NKAIN2: variants seen among roughly 807,000 people sequenced by gnomAD.
NKAIN2 encodes the protein sodium/potassium transporting ATPase interacting 2.
NKAIN2 carries 14 observed loss-of-function variants against 32.6 expected under a neutral mutation model. The observed-to-expected ratio is 0.43, with a 90% CI of 0.28 to 0.67. The LOEUF (loss-of-function observed/expected upper bound fraction) is 0.67. Ranked by LOEUF, NKAIN2 falls within the 30% of genes least tolerant of loss-of-function variation. The probability of loss-of-function intolerance (pLI) is 0.17; values close to 1 mark genes in which losing one functional copy is unlikely to be tolerated. For synonymous variants in NKAIN2, 80 were observed against 87.2 expected (o/e 0.92, Z 0.46); for missense variants, 198 against 258.3 (o/e 0.77, Z 1.60).
At chr6:124,317,879 G>T (rs1797027070) in intron 2 of NKAIN2, among the ~76,000 whole-genome samples, 1 of 151,942 alleles carries the variant, frequency 6.6e-6, no homozygotes, top group South Asian at 2.1e-4. Context: ...TGCCTAATTT[G>T]TAGACCCATT....
At chr6:124,256,054 TAC>T (rs1793914370) in intron 1 of NKAIN2, among the ~76,000 whole-genome samples, 1 of 152,180 alleles carries the variant, frequency 6.6e-6, no homozygotes. Context: ...ATCACTCTCT[TAC>T]AAGGGAAATT....
intron 2 of NKAIN2, among the ~76,000 whole-genome samples, chr6:124,346,172 A>C: frequency 6.6e-6 from 1 of 152,040 alleles, no homozygotes; most frequent in African/African-American, 2.4e-5. Flanking sequence ...CCTGAGTTCT[A>C]GTTTGATTGC....
chr6:124,638,602 A>T (rs1352667637), intron 3 of NKAIN2, among the ~76,000 whole-genome samples: 1 of 152,196 alleles, frequency 6.6e-6, no homozygotes, highest in African/African-American at 2.4e-5. Context: ...CAATTAAAAG[A>T]TAAGCAAAGA....
intron 1 of NKAIN2, among the ~76,000 whole-genome samples, chr6:124,254,039 T>G (rs1384477267): frequency 6.6e-6 from 1 of 151,564 alleles, no homozygotes; most frequent in Admixed American, 6.6e-5. Flanking sequence ...ATGGTCTCGT[T>G]CTCTTGACCT....
chr6:123,845,831 A>C (rs887748124), intron 1 of NKAIN2, among the ~76,000 whole-genome samples: 1 of 152,222 alleles, frequency 6.6e-6, no homozygotes, highest in Non-Finnish European at 1.5e-5. Flanking sequence ...GTGATGCTAA[A>C]GCGTTCCAAG....
intron 1 of NKAIN2, among the ~76,000 whole-genome samples, chr6:124,068,474 T>C (rs543131726): frequency 6.6e-6 from 1 of 152,140 alleles, no homozygotes; most frequent in Non-Finnish European, 1.5e-5. Context: ...CACTGCAGCC[T>C]CCAATTTCTG....
chr6:124,504,218 A>C (rs1235937473), intron 3 of NKAIN2, among the ~76,000 whole-genome samples: 1 of 152,130 alleles, frequency 6.6e-6, no homozygotes, highest in Non-Finnish European at 1.5e-5. Context: ...AGCCAGCTTT[A>C]CCATTACTGT....
chr6:124,383,945 A>G (rs958764338), intron 3 of NKAIN2, among the ~76,000 whole-genome samples: 1 of 152,212 alleles, frequency 6.6e-6, no homozygotes, highest in Admixed American at 6.5e-5. Context: ...TTAGGGAAAT[A>G]AGAATATTAA....
intron 2 of NKAIN2, among the ~76,000 whole-genome samples, chr6:124,325,606 T>C (rs1797379384): frequency 6.6e-6 from 1 of 152,042 alleles, no homozygotes; most frequent in South Asian, 2.1e-4. Context: ...TTGGTCAATA[T>C]CAGAAACATT....
At chr6:124,397,024 A>G (rs1773411106) in intron 3 of NKAIN2, among the ~76,000 whole-genome samples, 1 of 152,144 alleles carries the variant, frequency 6.6e-6, no homozygotes, top group Non-Finnish European at 1.5e-5. Context: ...AGGAACAGTT[A>G]ACTGTTTTAT....
chr6:124,483,253 G>A (rs1777527778), intron 3 of NKAIN2, among the ~76,000 whole-genome samples: 1 of 151,942 alleles, frequency 6.6e-6, no homozygotes, highest in Admixed American at 6.5e-5. Flanking sequence ...GACTTATTTT[G>A]CCAACATCAC....
At chr6:124,625,771 T>C (rs965856587) in intron 3 of NKAIN2, among the ~76,000 whole-genome samples, 1 of 152,008 alleles carries the variant, frequency 6.6e-6, no homozygotes, top group Non-Finnish European at 1.5e-5. Flanking sequence ...GCTATGTACA[T>C]TTTAAAGAGA....
intron 1 of NKAIN2, among the ~76,000 whole-genome samples, chr6:123,920,010 T>C (rs1276300163): frequency 6.6e-6 from 1 of 152,116 alleles, no homozygotes; most frequent in South Asian, 2.1e-4. Context: ...GAAACAGATA[T>C]GCAAAAGAGT....
At chr6:124,229,157 G>A (rs963848581) in intron 1 of NKAIN2, among the ~76,000 whole-genome samples, 5 of 152,116 alleles carry the variant, frequency 3.3e-5, no homozygotes, top group Non-Finnish European at 7.4e-5. Flanking sequence ...TTTAAAGACA[G>A]AAATTCTTTG....
chr6:124,726,072 C>T (rs541336840), intron 4 of NKAIN2, among the ~76,000 whole-genome samples: 29 of 152,168 alleles, frequency 1.9e-4, no homozygotes, highest in Non-Finnish European at 2.6e-4. Flanking sequence ...CACGGAGTCT[C>T]GCTGATTGCT....
At chr6:123,934,655 G>A (rs1366670645) in intron 1 of NKAIN2, among the ~76,000 whole-genome samples, 1 of 151,868 alleles carries the variant, frequency 6.6e-6, no homozygotes, top group East Asian at 1.9e-4. Flanking sequence ...AAAATCTTAA[G>A]GAATAAATAA....
chr6:124,458,255 A>T (rs1489320529), intron 3 of NKAIN2, among the ~76,000 whole-genome samples: 1 of 152,004 alleles, frequency 6.6e-6, no homozygotes, highest in East Asian at 1.9e-4. Context: ...TTGTGACTTA[A>T]TTATTTTAAG....
intron 1 of NKAIN2, among the ~76,000 whole-genome samples, chr6:124,239,084 CA>C (rs539316873): frequency 2.0e-5 from 3 of 150,888 alleles, no homozygotes; most frequent in African/African-American, 7.3e-5. Context: ...CAAGCAAAAA[CA>C]AAAAAAAGCA....
intron 5 of NKAIN2, among the ~76,000 whole-genome samples, chr6:124,809,070 C>T (rs9491241): frequency 0.014 from 2,157 of 152,200 alleles, 49 homozygotes; most frequent in African/African-American, 0.049. Context: ...AGGTAATTTA[C>T]AGATTCAATG....
Sources: allele counts gnomAD v4.1 joint callset (sites outside exome capture counted in the v4.1 genomes callset), GRCh38; gene constraint gnomAD v4.1.1; transcripts MANE v1.5; gene names NCBI Gene and HGNC (gene_info 2026-07-23, HGNC 2026-07-21).